The following NEGR1 variants were observed in gnomAD, a reference collection of about 807,000 sequenced individuals.
The protein encoded by NEGR1 is neuronal growth regulator 1, also known as IgLON family member 4.
In NEGR1, 10 loss-of-function variants were observed where a neutral mutation model predicts 40.9. That is an observed-to-expected ratio of 0.24 (90% CI 0.15 to 0.42). NEGR1 has a LOEUF of 0.42. Ranked by LOEUF, NEGR1 falls within the 10% of genes least tolerant of loss-of-function variation. NEGR1 has a pLI of 1.00. For synonymous variants in NEGR1, 185 were observed against 166.8 expected, an observed-to-expected ratio of 1.11 and a Z score of -0.84; for missense variants, 352 against 438.9, an observed-to-expected ratio of 0.80 and a Z score of 1.77.
intron 3 of NEGR1, among the ~76,000 whole-genome samples, chr1:71,716,621 C>G (rs1188979415): frequency 2.0e-5 from 3 of 151,972 alleles, no homozygotes; most frequent in East Asian, 3.9e-4. Flanking sequence ...TTTGTAAACC[C>G]AAACCTACAG....
intron 1 of NEGR1, among the ~76,000 whole-genome samples, chr1:72,137,678 C>A (rs1245831219): frequency 6.6e-6 from 1 of 151,912 alleles, no homozygotes; most frequent in African/African-American, 2.4e-5. Context: ...CACATGTAGA[C>A]CTATGTAACA....
At chr1:71,656,481 C>T (rs930584182) in intron 4 of NEGR1, among the ~76,000 whole-genome samples, 7 of 152,042 alleles carry the variant, frequency 4.6e-5, no homozygotes, top group South Asian at 2.1e-4. Flanking sequence ...GGCGGGATCT[C>T]GGCTTACTGC....
At chr1:71,483,695 A>C (rs1161273758) in intron 6 of NEGR1, among the ~76,000 whole-genome samples, 1 of 151,776 alleles carries the variant, frequency 6.6e-6, no homozygotes, top group Non-Finnish European at 1.5e-5. Context: ...AGAGAGAAAG[A>C]AAGAGCCCCA....
intron 3 of NEGR1, among the ~76,000 whole-genome samples, chr1:71,758,131 T>A (rs1466033893): frequency 6.6e-6 from 1 of 152,048 alleles, no homozygotes; most frequent in Admixed American, 6.6e-5. Flanking sequence ...AGAGGAGGAA[T>A]CTGAAACCAG....
intron 1 of NEGR1, among the ~76,000 whole-genome samples, chr1:72,156,988 AGT>A (rs1557554837): frequency 6.6e-6 from 1 of 151,738 alleles, no homozygotes; most frequent in Non-Finnish European, 1.5e-5. Flanking sequence ...TTTTTGAGAC[AGT>A]GTCTCTCCGT....
intron 1 of NEGR1, among the ~76,000 whole-genome samples, chr1:71,974,104 C>T (rs187149866): frequency 9.7e-4 from 148 of 152,288 alleles, no homozygotes; most frequent in Non-Finnish European, 1.7e-3. Flanking sequence ...TATCTTCTCA[C>T]TGCAGATACT....
Position 71,928,071 on chromosome 1 carries a change from T to C in NEGR1, c.409+7008A>G, listed in dbSNP as rs542187888. Among the ~76,000 whole-genome samples, 159 of 104,970 alleles carry C rather than the reference T, an allele frequency of 1.5e-3. 20 individuals carry two copies. The highest frequency in any genetic ancestry group is 4.5e-3 in the African/African-American group (124 of 27,570). The allele number at this position is 104,970 out of a possible 152,430, so 68.9% of individuals were successfully genotyped here. On this transcript the variant is annotated intron_variant, in intron 2 of 6. Coordinates refer to ENST00000357731, the MANE Select transcript of NEGR1 (RefSeq NM_173808.3). ...ACACGTATATATATACACACACACA[T>C]ATGTACATATATGTATATATACACA... is the stretch of plus-strand genomic sequence containing the variant.
chr1:71,677,260 A>G (rs1039300431), intron 4 of NEGR1, among the ~76,000 whole-genome samples: 7 of 152,056 alleles, frequency 4.6e-5, no homozygotes, highest in Admixed American at 3.9e-4. Flanking sequence ...TGTTCCCACA[A>G]TCTGGTCTCC....
At chr1:72,190,787 A>T (rs890423914) in intron 1 of NEGR1, among the ~76,000 whole-genome samples, 3 of 151,554 alleles carry the variant, frequency 2.0e-5, no homozygotes, top group African/African-American at 7.2e-5. Flanking sequence ...TTTGGAAATA[A>T]ATGACCTGCC....
At chr1:71,854,742 G>C (rs919048327) in intron 2 of NEGR1, among the ~76,000 whole-genome samples, 3 of 152,004 alleles carry the variant, frequency 2.0e-5, no homozygotes, top group Admixed American at 6.6e-5. Context: ...CTGAGCAAAG[G>C]GGGGAAAGTC....
intron 6 of NEGR1, among the ~76,000 whole-genome samples, chr1:71,572,817 C>T (rs191371363): frequency 2.0e-4 from 30 of 152,268 alleles, no homozygotes; most frequent in Admixed American, 4.6e-4. Context: ...AGCACCTCGG[C>T]TTCTGCTTTG....
At chr1:72,086,226 C>T (rs1648217022) in intron 1 of NEGR1, among the ~76,000 whole-genome samples, 1 of 152,066 alleles carries the variant, frequency 6.6e-6, no homozygotes, top group Non-Finnish European at 1.5e-5. Context: ...TCATTATTGA[C>T]AAAACTATCA....
At chr1:71,549,035 C>G (rs1026676140) in intron 6 of NEGR1, among the ~76,000 whole-genome samples, 1 of 151,724 alleles carries the variant, frequency 6.6e-6, no homozygotes, top group Non-Finnish European at 1.5e-5. Context: ...GTGTCTACAA[C>G]TTTATCCTTC....
Position 72,209,469 on chromosome 1 carries a change from T to C in NEGR1, c.176+72850A>G, listed in dbSNP as rs79233687. Among the ~76,000 whole-genome samples the C allele has an allele frequency of 7.7e-3, 1,169 of 151,796 alleles. 10 individuals carry two copies. The highest frequency in any genetic ancestry group is 0.026 in the African/African-American group (1,077 of 41,516). On this transcript the variant is annotated intron_variant, in intron 1 of 6. Coordinates refer to ENST00000357731, the MANE Select transcript of NEGR1 (RefSeq NM_173808.3). ...TTCTTGGATAAATCTACTAAAATTA[T>C]GTCCCATATCATGGAAATACCTTAA...
intron 4 of NEGR1, among the ~76,000 whole-genome samples, chr1:71,674,003 C>A (rs1187434814): frequency 6.6e-6 from 1 of 152,006 alleles, no homozygotes; most frequent in Non-Finnish European, 1.5e-5. Context: ...TATAAGAATA[C>A]AACTGTTGGT....
chr1:72,124,925 A>G (rs1034386425), intron 1 of NEGR1, among the ~76,000 whole-genome samples: 2 of 152,096 alleles, frequency 1.3e-5, no homozygotes, highest in Non-Finnish European at 2.9e-5. Flanking sequence ...ATTGAATTTT[A>G]AAGTGAGTAG....
chr1:71,848,926 A>T (rs1462393405), intron 2 of NEGR1, among the ~76,000 whole-genome samples: 2 of 151,986 alleles, frequency 1.3e-5, no homozygotes, highest in African/African-American at 4.8e-5. Flanking sequence ...CCCATCTCTA[A>T]TAAAAATACA....
intron 1 of NEGR1, among the ~76,000 whole-genome samples, chr1:71,961,409 G>A (rs1482916702): frequency 6.6e-6 from 1 of 152,118 alleles, no homozygotes; most frequent in Non-Finnish European, 1.5e-5. Flanking sequence ...AATGCCAAGA[G>A]GGTAAGGCTT....
At chr1:72,231,495 T>G (rs11209938) in intron 1 of NEGR1, among the ~76,000 whole-genome samples, 2 of 152,166 alleles carry the variant, frequency 1.3e-5, no homozygotes, top group Middle Eastern at 3.4e-3. Flanking sequence ...GAATATTAGA[T>G]AAGTTAATGT....
Sources: allele counts gnomAD v4.1 joint callset (sites outside exome capture counted in the v4.1 genomes callset), GRCh38; gene constraint gnomAD v4.1.1; transcripts MANE v1.5; gene names NCBI Gene and HGNC (gene_info 2026-07-23, HGNC 2026-07-21).